The following THTPA variants were observed in gnomAD, a reference collection of about 807,000 sequenced individuals.
The protein encoded by THTPA is thiamine triphosphatase, also known as thiamine-triphosphatase.
A neutral mutation model predicts 16.5 loss-of-function variants in THTPA; 16 were observed. That is an observed-to-expected ratio of 0.97 (90% confidence interval 0.66 to 1.47). The LOEUF (loss-of-function observed/expected upper bound fraction) is 1.47, where lower values mean the gene tolerates loss of function less well. Among genes scored for constraint, THTPA ranks in the 40% most tolerant of loss-of-function variants. The pLI is 0.00. For missense variants in THTPA, 281 were observed against 280.9 expected (o/e 1.00, Z 0.00); for synonymous variants, 110 against 115.5 (o/e 0.95, Z 0.30).
rs774163166 is a variant in THTPA at position 23,557,306 on chromosome 14, T to C, written c.547+2T>C. On this transcript the variant is annotated splice_donor_variant, in intron 1 of 1. Transcript: ENST00000288014. LOFTEE classifies it high-confidence loss of function. ...TCCACAGGCTCAGCAGCATGCTTGG[T>C]GAGGGAGACAGGCCCTTTTGTGCTT... The C allele has an allele frequency of 9.4e-6, 15 of 1,587,754 alleles. No individual in the cohort carries two copies. The South Asian group carries it at 1.7e-4, about 18-fold the overall frequency.
the THTPA span, among the ~76,000 whole-genome samples, chr14:23,516,083 A>G: frequency 2.0e-5 from 3 of 152,110 alleles, no homozygotes; most frequent in Non-Finnish European, 4.4e-5. Flanking sequence ...GGGGCAGGTC[A>G]CAGATATGGT....
chr14:23,525,500 G>C, the THTPA span: 3 of 1,535,770 alleles, frequency 2.0e-6, no homozygotes. The surrounding 1 kb of genome is among the most constrained non-coding windows in gnomAD (Gnocchi z 5.9). Flanking sequence ...GGCCCCACAG[G>C]CCAGCTTGTC....
upstream of THTPA, chr14:23,551,782 C>A (rs1881980082): frequency 1.3e-5 from 2 of 152,546 alleles, no homozygotes; most frequent in Non-Finnish European, 1.5e-5. This position sits in a 1 kb window ranked among gnomAD's most constrained non-coding sequence, Gnocchi z 5.3. Flanking sequence ...TACCCAGGCG[C>A]CCGGGGCTGC....
the THTPA span, chr14:23,533,773 G>A: frequency 6.4e-7 from 1 of 1,558,384 alleles, no homozygotes; most frequent in African/African-American, 1.4e-5. The surrounding 1 kb of genome is among the most constrained non-coding windows in gnomAD (Gnocchi z 4.8). Context: ...GCCTTTGGTG[G>A]TTGTAGAGTA....
chr14:23,534,009 G>C, the THTPA span: 1 of 1,537,140 alleles, frequency 6.5e-7, no homozygotes, highest in Non-Finnish European at 8.7e-7. The surrounding 1 kb of genome is among the most constrained non-coding windows in gnomAD (Gnocchi z 4.5). Flanking sequence ...GGGACATGTG[G>C]CTGGACAGGC....
the THTPA span, among the ~76,000 whole-genome samples, chr14:23,541,613 A>C: frequency 6.6e-6 from 1 of 152,182 alleles, no homozygotes; most frequent in Non-Finnish European, 1.5e-5. Context: ...CTACTCAGCC[A>C]TAGAGTTCAC....
chr14:23,556,976 A>G lies in THTPA; in HGVS notation c.219A>G (p.Leu73=), dbSNP rs138974955. 113 of 1,614,090 alleles carry G rather than the reference A, an allele frequency of 7.0e-5. No homozygotes were observed. Among genetic ancestry groups the G allele is most frequent in the Non-Finnish European group, 8.9e-5 (105 of 1,180,048 alleles). ...AATGTCCTGGAGCAGCAGGTGTCTT[A>G]GGACCCCACACGGAGTATAAGGAAC... is the stretch of plus-strand genomic sequence containing the variant. ...ELKCPGAAGV[L]GPHTEYKELT... is the part of the protein sequence containing the mutation. The change falls in exon 1 of 2, where the codon TTA becomes TTG. Residue 73 remains leucine (L), a synonymous_variant. Coordinates refer to ENST00000288014, the MANE Select transcript of THTPA (RefSeq NM_024328.6).
chr14:23,523,798 C>G, the THTPA span: 1 of 1,536,240 alleles, frequency 6.5e-7, no homozygotes, highest in East Asian at 2.4e-5. The surrounding 1 kb of genome is among the most constrained non-coding windows in gnomAD (Gnocchi z 4.1). Context: ...CCCCACTGGT[C>G]CCTCCAGCCC....
chr14:23,534,951 C>A, the THTPA span: 4 of 1,536,124 alleles, frequency 2.6e-6, no homozygotes, highest in Non-Finnish European at 3.5e-6. This position sits in a 1 kb window ranked among gnomAD's most constrained non-coding sequence, Gnocchi z 4.5. Flanking sequence ...ACAGCTTGGC[C>A]ACTAGGTAGG....
At chr14:23,544,979 C>T in the THTPA span, among the ~76,000 whole-genome samples, 1 of 151,984 alleles carries the variant, frequency 6.6e-6, no homozygotes, top group Non-Finnish European at 1.5e-5. Flanking sequence ...TCATGTCTCC[C>T]TTCCCGCTTC....
Position 23,560,063 on chromosome 14 carries a change from A to G in THTPA, c.*1223A>G, listed in dbSNP as rs201685013. On this transcript the variant is annotated 3_prime_UTR_variant, in exon 2 of 2. Coordinates refer to ENST00000288014, the MANE Select transcript of THTPA (RefSeq NM_024328.6). ...TGAACACAGGAGTTTAACAGAGCAC[A>G]GTATGGCAGTAGGTAGGGCTCAGGC... 1 of 1,513,132 alleles carries G rather than the reference A, an allele frequency of 6.6e-7. No individual in the cohort carries two copies. The highest frequency in any genetic ancestry group is 1.7e-5 in the Admixed American group (1 of 57,322). 93.7% of individuals were successfully genotyped at this position (1,513,132 alleles called of 1,614,324 possible).
the THTPA span, chr14:23,524,985 T>C: frequency 6.5e-7 from 1 of 1,536,082 alleles, no homozygotes; most frequent in Non-Finnish European, 8.7e-7. This position sits in a 1 kb window ranked among gnomAD's most constrained non-coding sequence, Gnocchi z 5.6. Flanking sequence ...TCACAGGCAT[T>C]TTTGCGTGCT....
chr14:23,517,563 C>T, the THTPA span, among the ~76,000 whole-genome samples: 1 of 152,180 alleles, frequency 6.6e-6, no homozygotes, highest in East Asian at 1.9e-4. Context: ...CCTGGCCATT[C>T]GCAGAAGTTT....
chr14:23,557,444 C>T, intron 1 of THTPA, 140 bp downstream of exon 1: 1 of 959,646 alleles, frequency 1.0e-6, no homozygotes, highest in African/African-American at 1.7e-5. Context: ...CCGTGTTGCC[C>T]AGGCTGGTCT....
the THTPA span, among the ~76,000 whole-genome samples, chr14:23,538,524 G>T: frequency 6.6e-6 from 1 of 151,952 alleles, no homozygotes; most frequent in Non-Finnish European, 1.5e-5. Context: ...TGCAGAAACG[G>T]ACAGGCCTAA....
At chr14:23,544,771 G>A in the THTPA span, among the ~76,000 whole-genome samples, 6 of 152,174 alleles carry the variant, frequency 3.9e-5, no homozygotes, top group Non-Finnish European at 7.3e-5. Flanking sequence ...TGGAGATGAG[G>A]CCCCGCCCAC....
At chr14:23,524,751 G>A in the THTPA span, 1 of 1,536,364 alleles carries the variant, frequency 6.5e-7, no homozygotes, top group South Asian at 1.2e-5. This position sits in a 1 kb window ranked among gnomAD's most constrained non-coding sequence, Gnocchi z 5.6. Context: ...GGGCCCTCAG[G>A]CCCTGCTGGA....
At chr14:23,520,792 A>G in the THTPA span, 3 of 135,562 alleles carry the variant, frequency 2.2e-5, no homozygotes, top group East Asian at 5.3e-4. This position sits in a 1 kb window ranked among gnomAD's most constrained non-coding sequence, Gnocchi z 8.7. Flanking sequence ...GAAACCCTTA[A>G]ACCGGGGGGG....
the THTPA span, chr14:23,526,239 C>T: frequency 1.8e-5 from 27 of 1,536,286 alleles, no homozygotes; most frequent in East Asian, 1.2e-4. Flanking sequence ...GGTGGGGCAC[C>T]GGCCTCTCCC....
Sources: allele counts gnomAD v4.1 joint callset (sites outside exome capture counted in the v4.1 genomes callset), GRCh38; gene constraint gnomAD v4.1.1; non-coding constraint Gnocchi (gnomAD v3.1); transcripts MANE v1.5; gene names NCBI Gene and HGNC (gene_info 2026-07-23, HGNC 2026-07-21).